Variants in CCT5 observed in about 807,000 individuals in gnomAD.
The protein encoded by CCT5 is T-complex protein 1 subunit epsilon.
Under a neutral mutation model 55.0 loss-of-function variants are expected in CCT5, and 6 were observed. That is an observed-to-expected ratio of 0.11 (90% CI 0.06 to 0.22). CCT5 has a LOEUF of 0.22. Among genes scored for constraint, CCT5 ranks in the 10% least tolerant of loss-of-function variants. CCT5 has a pLI of 1.00. For synonymous variants in CCT5, 231 were observed against 243.7 expected (o/e 0.95, Z 0.49); for missense variants, 560 against 694.6 (o/e 0.81, Z 2.18).
Position 10,258,372 on chromosome 5 carries a change from A to C in CCT5, c.724-14A>C. ...TAATTCCACCAATTAAAATGTCTTTATGTTCCCCCATAGAAAGTGGAAGAT... is the reference window on the plus strand; with the variant it reads ...TAATTCCACCAATTAAAATGTCTTTCTGTTCCCCCATAGAAAGTGGAAGAT... On this transcript the variant is annotated splice_polypyrimidine_tract_variant and intron_variant, in intron 5 of 10. Coordinates refer to ENST00000280326, the MANE Select transcript of CCT5 (RefSeq NM_012073.5). 1 of 1,614,102 alleles carries C rather than the reference A, an allele frequency of 6.2e-7. No homozygotes were observed. Among genetic ancestry groups the C allele is most frequent in the African/African-American group, 1.3e-5 (1 of 75,050 alleles).
chr5:10,261,447 C>G, intron 7 of CCT5, 113 bp from the exon 8 acceptor site: 1 of 952,964 alleles, frequency 1.0e-6, no homozygotes, highest in African/African-American at 1.6e-5. Flanking sequence ...AGTGGGGCAG[C>G]AGTTCTAGTG....
intron 1 of CCT5, among the ~76,000 whole-genome samples, chr5:10,252,330 G>C (rs75379749): frequency 1.3e-5 from 2 of 152,218 alleles, no homozygotes; most frequent in Non-Finnish European, 2.9e-5. Context: ...AGGCCAGGAC[G>C]TGAACGTTTT....
rs542338501 is a variant in CCT5, at chr5:10,265,076, T to G, written c.*293T>G. On this transcript the variant is annotated 3_prime_UTR_variant, in exon 11 of 11. Transcript: ENST00000280326. ...TAACAGTAATTAAATGCTGCCTTAA[T>G]TGAAGGGGTTTGGGTGGATTTTTTT... The G allele has an allele frequency of 2.9e-6, 1 of 344,366 alleles. No individual in the cohort carries two copies. Among genetic ancestry groups the G allele is most frequent in the Non-Finnish European group, 5.4e-6 (1 of 184,638 alleles). The allele number at this position is 344,366 out of a possible 1,614,324, so 21.3% of individuals were successfully genotyped here.
intron 3 of CCT5, among the ~76,000 whole-genome samples, chr5:10,255,324 G>A (rs1461819139): frequency 4.8e-5 from 4 of 82,478 alleles, no homozygotes; most frequent in Admixed American, 1.6e-4. Context: ...GTGGCAAAAT[G>A]TTAATAAGTA....
chr5:10,262,091 ACT>A (rs1226197388), intron 8 of CCT5: 2 of 393,552 alleles, frequency 5.1e-6, no homozygotes, highest in Non-Finnish European at 4.8e-6. Flanking sequence ...GCAACATAAG[ACT>A]CATTTTAATT....
At chr5:10,254,390 A>C in intron 2 of CCT5, 185 bp downstream of exon 2, 1 of 554,628 alleles carries the variant, frequency 1.8e-6, no homozygotes, top group Non-Finnish European at 3.1e-6. Flanking sequence ...ATTAGGTCGG[A>C]CCTTTTTTTT....
chr5:10,258,545 A>G lies in CCT5; in HGVS notation c.873+10A>G. On this transcript the variant is annotated intron_variant, in intron 6 of 10. Coordinates refer to ENST00000280326, the MANE Select transcript of CCT5 (RefSeq NM_012073.5). ...AGAGATGATTCAACAAGTAAGTCTT[A>G]CCAGAGTCCTCAGTGGAATTTAAAC... 6.2e-7 allele frequency: 1 copy of G among 1,611,142 alleles called. No individual in the cohort carries two copies. The highest frequency in any genetic ancestry group is 8.5e-7 in the Non-Finnish European group (1 of 1,177,506).
chr5:10,255,915 G>A (rs766153615), intron 3 of CCT5, 40 bp from the exon 4 acceptor site: 3 of 1,583,606 alleles, frequency 1.9e-6, no homozygotes, highest in East Asian at 2.2e-5. Flanking sequence ...GTGAAGTTTT[G>A]TTGTTTGCCT....
intron 10 of CCT5, among the ~76,000 whole-genome samples, chr5:10,263,848 GACAGCTTTTGCTTAA>G (rs1204963120): frequency 1.3e-5 from 2 of 152,230 alleles, no homozygotes; most frequent in Non-Finnish European, 2.9e-5. Context: ...TCCACAGAAT[GACAGCTTTTGCTTAA>G]AGGTATAGGT....
chr5:10,256,957 C>CT (rs1464774412), intron 4 of CCT5, among the ~76,000 whole-genome samples: 1 of 152,188 alleles, frequency 6.6e-6, no homozygotes, highest in Non-Finnish European at 1.5e-5. Context: ...CCAGGAGACT[C>CT]TAAGCAACCT....
At chr5:10,260,977 T>C in intron 7 of CCT5, 66 bp downstream of exon 7, 1 of 1,529,066 alleles carries the variant, frequency 6.5e-7, no homozygotes, top group South Asian at 1.1e-5. Context: ...AGGGGTGTTT[T>C]GATAGCCCTG....
At chr5:10,250,976 A>G in intron 1 of CCT5, 2 of 596,228 alleles carry the variant, frequency 3.4e-6, no homozygotes, top group Non-Finnish European at 4.3e-6. Flanking sequence ...TGAAAAACGG[A>G]CGCACATAAC....
chr5:10,262,398 T>C, intron 8 of CCT5, 83 bp from the exon 9 acceptor site: 1 of 1,453,140 alleles, frequency 6.9e-7, no homozygotes, highest in Admixed American at 1.7e-5. Context: ...ACAGCCTCTC[T>C]GTCTTTAAAA....
Position 10,258,224 on chromosome 5 carries a change from T to C in CCT5, c.644T>C (p.Val215Ala), listed in dbSNP as rs1745777869. 6.2e-7 allele frequency: 1 copy of C among 1,614,178 alleles called. No homozygotes were observed. The highest frequency in any genetic ancestry group is 8.5e-7 in the Non-Finnish European group (1 of 1,180,036). ...GAGCTTATCAAAGTAGAAGGCAAAG[T>C]GGGCGGCAGGCTGGAGGACACTAAA... ...DFELIKVEGK[V>A]GGRLEDTKLI... The change falls in exon 5 of 11, where the codon GTG (valine) becomes GCG (alanine). Residue 215 changes from valine (V) to alanine (A), a missense_variant. By Grantham distance (64) the Val-to-Ala change is moderately conservative. Transcript: ENST00000280326.
intron 7 of CCT5, chr5:10,261,153 C>T (rs953165988): frequency 6.0e-5 from 33 of 545,572 alleles, no homozygotes; most frequent in Non-Finnish European, 8.6e-5. Context: ...TTGGCCCTGT[C>T]GTTGACTTAC....
intron 2 of CCT5, 30 bp from the exon 3 acceptor site, chr5:10,254,644 G>A (rs372251903): frequency 6.2e-7 from 1 of 1,611,944 alleles, no homozygotes; most frequent in Non-Finnish European, 8.5e-7. Flanking sequence ...CCAGTTTTTT[G>A]CGCAAAGCCT....
intron 6 of CCT5, among the ~76,000 whole-genome samples, chr5:10,259,050 G>A (rs1200461931): frequency 2.0e-5 from 3 of 152,194 alleles, no homozygotes; most frequent in Non-Finnish European, 4.4e-5. Flanking sequence ...ACCTAAAGCC[G>A]TGCTTTCAAT....
chr5:10,253,978 G>A (rs1258905198), intron 1 of CCT5, among the ~76,000 whole-genome samples, 167 bp from the exon 2 acceptor site: 1 of 152,212 alleles, frequency 6.6e-6, no homozygotes, highest in Non-Finnish European at 1.5e-5. Context: ...TATTAAAACT[G>A]GAGTCGTAAA....
chr5:10,250,456 A>T lies in CCT5; in HGVS notation c.105+11A>T, dbSNP rs759032489. On this transcript the variant is annotated intron_variant, in intron 1 of 10. Transcript: ENST00000280326. ...CTTGAGGCCCTCAAGGTAATGGCACAGGGACCTGCTCGCGGTGGGCTAAGG... is the reference window on the plus strand; with the variant it reads ...CTTGAGGCCCTCAAGGTAATGGCACTGGGACCTGCTCGCGGTGGGCTAAGG... The T allele has an allele frequency of 8.1e-6, 13 of 1,612,360 alleles. No individual in the cohort carries two copies. The Admixed American group carries it at 2.2e-4, about 27-fold the overall frequency.
Sources: allele counts gnomAD v4.1 joint callset (sites outside exome capture counted in the v4.1 genomes callset), GRCh38; gene constraint gnomAD v4.1.1; transcripts MANE v1.5; gene names NCBI Gene and HGNC (gene_info 2026-07-23, HGNC 2026-07-21).